The following FAM20C variants were observed in gnomAD, a reference collection of about 807,000 sequenced individuals.
FAM20C encodes FAM20C golgi associated secretory pathway kinase.
In FAM20C, 40 loss-of-function variants were observed where a neutral mutation model predicts 51.5. The ratio of observed to expected loss-of-function variants is 0.78; its 90% CI spans 0.60 to 1.01. The LOEUF (loss-of-function observed/expected upper bound fraction) is 1.01, where lower values mean the gene tolerates loss of function less well. Among genes scored for constraint, FAM20C ranks in the 50% least tolerant of loss-of-function variants. FAM20C has a pLI of 0.00. For synonymous variants in FAM20C, 406 were observed against 380.6 expected, an observed-to-expected ratio of 1.07 and a Z score of -0.78; for missense variants, 861 against 844.7, an observed-to-expected ratio of 1.02 and a Z score of -0.24.
chr7:226,012 A>G (rs955369342), intron 3 of FAM20C, among the ~76,000 whole-genome samples: 1 of 152,006 alleles, frequency 6.6e-6, no homozygotes, highest in African/African-American at 2.4e-5. Flanking sequence ...GCCTTCTCTC[A>G]TTGCGCAGAA....
At chr7:203,496 C>A (rs1402609918) in intron 2 of FAM20C, among the ~76,000 whole-genome samples, 1 of 152,240 alleles carries the variant, frequency 6.6e-6, no homozygotes, top group African/African-American at 2.4e-5. Context: ...CCCACCCATC[C>A]CGATGAGCAC....
chr7:256,701 C>G lies in FAM20C; in HGVS notation c.1301C>G (p.Pro434Arg). ...TGCGAGGAGGTGAAGCAGACACCGC[C>G]CTACGACAGCAGCCACCGCATCCTG... ...DYCEEVKQTP[P>R]YDSSHRILDV... is the part of the protein sequence containing the mutation. Residue 434 changes from proline to arginine, a missense_variant, in exon 7 of 10, where the codon CCC becomes CGC. Around this residue, in one of 3 missense-constraint regions of FAM20C, gnomAD observed 269 missense variants for 283.8 expected, o/e 0.95. Transcript: ENST00000313766. 6.5e-7 allele frequency: 1 copy of G among 1,536,152 alleles called. No individual in the cohort carries two copies. The highest frequency in any genetic ancestry group is 8.7e-7 in the Non-Finnish European group (1 of 1,146,848).
intron 3 of FAM20C, chr7:229,198 G>C (rs774331280): frequency 7.8e-6 from 2 of 257,392 alleles, no homozygotes; most frequent in Non-Finnish European, 1.6e-5. Flanking sequence ...TCTGGGCTCC[G>C]ATGTGTGGGA....
rs868408490 is a variant in FAM20C at position 248,331 on chromosome 7, C to T, written c.973C>T (p.Arg325Trp). 2 of 1,535,964 alleles carry T rather than the reference C, an allele frequency of 1.3e-6. No individual in the cohort carries two copies. Among genetic ancestry groups the T allele is most frequent in the Non-Finnish European group, 1.7e-6 (2 of 1,146,622 alleles). ...TCTTGCCAGGATCCTGGACTTCCGC[C>T]GGGTCCCTCCCGTGGCCGGCAGGAT... ...FHLDRILDFRRVPPVAGRMVN... is the reference protein window; with the variant it reads ...FHLDRILDFRWVPPVAGRMVN... Residue 325 changes from arginine (R) to tryptophan (W), a missense_variant, in exon 5 of 10, where the codon CGG becomes TGG. Arg to Trp is a moderately radical substitution (Grantham distance 101). This residue lies in a region of FAM20C where 561 missense variants were observed against 499.8 expected (regional missense o/e 1.12). Transcript: ENST00000313766.
chr7:223,290 C>T (rs1048119593), intron 3 of FAM20C, among the ~76,000 whole-genome samples: 43 of 152,282 alleles, frequency 2.8e-4, no homozygotes, highest in African/African-American at 8.7e-4. Context: ...TCAGATCGTC[C>T]GCTGGGCTGC....
Position 195,551 on chromosome 7 carries a change from C to A in FAM20C, c.606-3C>A. 1.3e-6 allele frequency: 2 copies of A among 1,564,574 alleles called. No homozygotes were observed. The highest frequency in any genetic ancestry group is 8.7e-7 in the Non-Finnish European group (1 of 1,151,934). Reference sequence around the variant, plus strand: ...TGATGTTCGTCCTCGCTGCTCCCTGCAGGCCGCATGCGGGTGCTGAAGGTG... The same window carrying A: ...TGATGTTCGTCCTCGCTGCTCCCTGAAGGCCGCATGCGGGTGCTGAAGGTG... On this transcript the variant is annotated splice_region_variant and splice_polypyrimidine_tract_variant and intron_variant, in intron 1 of 9. Coordinates refer to ENST00000313766, the MANE Select transcript of FAM20C (RefSeq NM_020223.4).
chr7:247,947 G>T (rs1788234371), intron 4 of FAM20C, among the ~76,000 whole-genome samples: 1 of 152,260 alleles, frequency 6.6e-6, no homozygotes, highest in Admixed American at 6.5e-5. Flanking sequence ...ATTTAATTAA[G>T]CGAGTGGGAG....
chr7:222,494 C>G (rs1278389452), intron 3 of FAM20C, among the ~76,000 whole-genome samples: 2 of 152,148 alleles, frequency 1.3e-5, no homozygotes, highest in African/African-American at 4.8e-5. Context: ...ACCCCCCAGG[C>G]CCAGGGCTGG....
intron 1 of FAM20C, among the ~76,000 whole-genome samples, chr7:194,950 G>C (rs191064149): frequency 6.6e-6 from 1 of 152,242 alleles, no homozygotes; most frequent in Non-Finnish European, 1.5e-5. Flanking sequence ...GACAGGCTGC[G>C]TGGGCGGCGG....
Position 242,271 on chromosome 7 carries a change from A to T in FAM20C, c.864-4144A>T, listed in dbSNP as rs1297984680. ...ACCTGGGCTGGCGAGGGTCAGTGGCAGCAGCAAGATGAACACCCAGACCTG... is the reference window on the plus strand; with the variant it reads ...ACCTGGGCTGGCGAGGGTCAGTGGCTGCAGCAAGATGAACACCCAGACCTG... On this transcript the variant is annotated intron_variant, in intron 3 of 9. Transcript: ENST00000313766. Among the ~76,000 whole-genome samples, 6 of 152,230 alleles carry T rather than the reference A, an allele frequency of 3.9e-5. No homozygotes were observed. The East Asian group carries it at 1.2e-3, about 29-fold the overall frequency.
At chr7:220,578 T>C (rs1787216762) in intron 3 of FAM20C, among the ~76,000 whole-genome samples, 1 of 152,170 alleles carries the variant, frequency 6.6e-6, no homozygotes, top group Non-Finnish European at 1.5e-5. Context: ...ATGACCTCTG[T>C]GTAGGCACCG....
rs1417157242 is a variant in FAM20C, at chr7:256,708, C to G, written c.1308C>G (p.Asp436Glu). The part of the protein sequence containing the change: ...CEEVKQTPPY[D>E]SSHRILDVMD... ...AGGTGAAGCAGACACCGCCCTACGA[C>G]AGCAGCCACCGCATCCTGGACGTCA... Residue 436 changes from aspartate to glutamate, a missense_variant, in exon 7 of 10, where the codon GAC becomes GAG. Transcript: ENST00000313766. The G allele has an allele frequency of 6.5e-7, 1 of 1,536,076 alleles. No individual in the cohort carries two copies. Among genetic ancestry groups the G allele is most frequent in the Non-Finnish European group, 8.7e-7 (1 of 1,146,858 alleles).
rs577450352 is a variant in FAM20C at position 255,970 on chromosome 7, C to T, written c.1194C>T (p.Ala398=). Residue 398 remains alanine, a synonymous_variant, in exon 6 of 10, where the codon GCC becomes GCT. Transcript: ENST00000313766. Reference sequence around the variant, plus strand: ...CCTTCCTGCCCGACCTGTCCCTGGCCAAGAGGAAGACCTGGCGGAACCCTT... The same window carrying T: ...CCTTCCTGCCCGACCTGTCCCTGGCTAAGAGGAAGACCTGGCGGAACCCTT... ...LAAFLPDLSL[A]KRKTWRNPWR... is the part of the protein sequence containing the mutation. 764 of 1,536,072 alleles carry T rather than the reference C, an allele frequency of 5.0e-4. 2 individuals carry two copies. Among genetic ancestry groups the T allele is most frequent in the Admixed American group, 1.5e-3 (76 of 50,976 alleles).
In FAM20C at chr7:215,231, G is replaced by C. The variant is rs551946395; in HGVS notation, c.863+6255G>C. On this transcript the variant is annotated intron_variant, in intron 3 of 9. Coordinates refer to ENST00000313766, the MANE Select transcript of FAM20C (RefSeq NM_020223.4). ...CACAGAGTTTAGAGGCTCCAGCTGG[G>C]GGGGGGAGCAGGGCCCCTGGTGTAT... is the stretch of plus-strand genomic sequence containing the variant. Among the ~76,000 whole-genome samples the C allele has an allele frequency of 5.7e-3, 707 of 124,780 alleles. 52 individuals are homozygous for C. The highest frequency in any genetic ancestry group is 0.017 in the African/African-American group (592 of 35,314). The allele number at this position is 124,780 out of a possible 152,430, so 81.9% of individuals were successfully genotyped here. A position where few individuals can be genotyped will look rare whatever the true frequency, so the allele number is the denominator to read the frequency against.
At chr7:233,911 C>G (rs972805058) in intron 3 of FAM20C, among the ~76,000 whole-genome samples, 4 of 152,320 alleles carry the variant, frequency 2.6e-5, no homozygotes, top group Middle Eastern at 3.4e-3. Flanking sequence ...TGAGGGAAAT[C>G]CTTCTAAGGG....
In FAM20C at chr7:210,493, T is replaced by C. The variant is rs150514493; in HGVS notation, c.863+1517T>C. On this transcript the variant is annotated intron_variant, in intron 3 of 9. Transcript: ENST00000313766. Reference sequence around the variant, plus strand: ...CCTGGTGCTGCGTGGACCCTTCCGCTGGCAGTAATGGGAGTGGAATAGTCG... The same window carrying C: ...CCTGGTGCTGCGTGGACCCTTCCGCCGGCAGTAATGGGAGTGGAATAGTCG... Among the ~76,000 whole-genome samples, 49 of 152,272 alleles carry C rather than the reference T, an allele frequency of 3.2e-4. 1 individual carries two copies. Among genetic ancestry groups the C allele is most frequent in the African/African-American group, 1.2e-3 (49 of 41,558 alleles).
chr7:249,991 C>A (rs2115155839), intron 5 of FAM20C, among the ~76,000 whole-genome samples: 1 of 152,324 alleles, frequency 6.6e-6, no homozygotes, highest in African/African-American at 2.4e-5. Context: ...CCCCAGGAAA[C>A]CCTGCAGAGC....
At chr7:227,146 C>G (rs753664046) in intron 3 of FAM20C, among the ~76,000 whole-genome samples, 2 of 152,074 alleles carry the variant, frequency 1.3e-5, no homozygotes, top group Non-Finnish European at 2.9e-5. Flanking sequence ...AAAAGCATTC[C>G]CCAGAACGGC....
At chr7:248,236 G>A (rs930871751) in intron 4 of FAM20C, 79 bp from the exon 5 acceptor site, 51 of 1,027,436 alleles carry the variant, frequency 5.0e-5, no homozygotes, top group African/African-American at 2.7e-4. Flanking sequence ...CCCCTGCCCC[G>A]TTCTTATTTG....
Sources: gnomAD v4.1 joint callset for allele counts (sites outside exome capture counted in the v4.1 genomes callset) on GRCh38, gnomAD v4.1.1 for gene constraint, gnomAD v4.1.1 regional missense constraint, MANE v1.5 for transcripts, NCBI Gene and HGNC (gene_info 2026-07-23, HGNC 2026-07-21) for gene names.